The following CDCA2 variants were observed in gnomAD, a reference collection of about 807,000 sequenced individuals.
The protein encoded by CDCA2 is cell division cycle associated 2.
In CDCA2, 44 loss-of-function variants were observed where a neutral mutation model predicts 67.0. That is an observed-to-expected ratio of 0.66 (90% CI 0.52 to 0.84). The LOEUF (loss-of-function observed/expected upper bound fraction) is 0.84. CDCA2 is among the 40% of genes least tolerant of loss of function. The probability of loss-of-function intolerance (pLI) is 0.00; values close to 1 mark genes in which losing one functional copy is unlikely to be tolerated. For missense variants in CDCA2, 1,253 were observed against 1,203.2 expected (o/e 1.04, Z -0.61); for synonymous variants, 447 against 418.7 (o/e 1.07, Z -0.82).
At chr8:25,501,183 G>A (rs940025739) in intron 13 of CDCA2, among the ~76,000 whole-genome samples, 1 of 152,148 alleles carries the variant, frequency 6.6e-6, no homozygotes, top group Non-Finnish European at 1.5e-5. Context: ...AGAATTTCAT[G>A]TTAAATGTAC....
intron 3 of CDCA2, 152 bp downstream of exon 3, chr8:25,460,706 C>T (rs1046694064): frequency 2.7e-6 from 2 of 735,784 alleles, no homozygotes; most frequent in Non-Finnish European, 2.2e-6. Context: ...CTTCTTTGCA[C>T]ATGCACAGTT....
chr8:25,461,252 AG>A (rs1198068380), intron 3 of CDCA2, among the ~76,000 whole-genome samples: 8 of 134,022 alleles, frequency 6.0e-5, no homozygotes, highest in African/African-American at 2.3e-4. Flanking sequence ...GGGCAACAAG[AG>A]TGAAACTCTG....
chr8:25,479,130 A>G (rs1199522776), intron 7 of CDCA2, among the ~76,000 whole-genome samples: 1 of 152,120 alleles, frequency 6.6e-6, no homozygotes, highest in African/African-American at 2.4e-5. Flanking sequence ...GTGTATGTTT[A>G]GTCCGTGTGG....
At chr8:25,497,515 A>T (rs1013172520) in intron 13 of CDCA2, among the ~76,000 whole-genome samples, 3 of 143,568 alleles carry the variant, frequency 2.1e-5, no homozygotes, top group Admixed American at 2.1e-4. Flanking sequence ...ATAAAAAAAA[A>T]AAAAACTCAC....
chr8:25,467,698 A>G (rs1279691861), intron 5 of CDCA2, among the ~76,000 whole-genome samples: 6 of 152,166 alleles, frequency 3.9e-5, no homozygotes, highest in South Asian at 2.1e-4. Flanking sequence ...ATATGAATGT[A>G]TTATCTTTTC....
At chr8:25,503,053 A>C (rs758135602) in intron 13 of CDCA2, among the ~76,000 whole-genome samples, 1 of 152,206 alleles carries the variant, frequency 6.6e-6, no homozygotes, top group East Asian at 1.9e-4. Flanking sequence ...AGGCCAAGGC[A>C]GGAGGATCTC....
At chr8:25,490,177 T>C (rs775032178) in intron 13 of CDCA2, among the ~76,000 whole-genome samples, 11 of 152,128 alleles carry the variant, frequency 7.2e-5, no homozygotes, top group East Asian at 1.9e-4. Context: ...ATACAACTTA[T>C]TACATTAGAA....
chr8:25,482,847 G>A (rs1425577488), intron 8 of CDCA2, among the ~76,000 whole-genome samples: 2 of 152,186 alleles, frequency 1.3e-5, no homozygotes, highest in Non-Finnish European at 2.9e-5. Flanking sequence ...CAGCCTGGGT[G>A]ATAGAGCCAG....
intron 13 of CDCA2, among the ~76,000 whole-genome samples, chr8:25,495,085 T>A (rs1353600191): frequency 6.6e-6 from 1 of 152,122 alleles, no homozygotes; most frequent in Middle Eastern, 3.2e-3. Context: ...TACATTACCC[T>A]TTGTCTAAGA....
chr8:25,474,127 A>G (rs1803260324), intron 7 of CDCA2, among the ~76,000 whole-genome samples: 1 of 152,186 alleles, frequency 6.6e-6, no homozygotes, highest in African/African-American at 2.4e-5. Context: ...ACCATCCTTG[A>G]ATCCCAGGGA....
Position 25,507,794 on chromosome 8 carries a change from T to C in CDCA2, c.*56T>C. ...GGGAAAGTAACCATCTATGCTGAAA[T>C]GATCTGTCTAGTTCCCATTCTCTGT... On this transcript the variant is annotated 3_prime_UTR_variant, in exon 15 of 15. Coordinates refer to ENST00000330560, the MANE Select transcript of CDCA2 (RefSeq NM_152562.4). 6.5e-7 allele frequency: 1 copy of C among 1,538,678 alleles called. No individual in the cohort carries two copies. Among genetic ancestry groups the C allele is most frequent in the Admixed American group, 2.0e-5 (1 of 50,008 alleles).
At chr8:25,480,702 GGTT>G (rs1803535422) in intron 8 of CDCA2, among the ~76,000 whole-genome samples, 1 of 152,164 alleles carries the variant, frequency 6.6e-6, no homozygotes, top group South Asian at 2.1e-4. Context: ...TAGGCTTGTA[GGTT>G]GTTAAGTGAA....
At chr8:25,502,417 T>G (rs1804516001) in intron 13 of CDCA2, among the ~76,000 whole-genome samples, 2 of 152,064 alleles carry the variant, frequency 1.3e-5, no homozygotes, top group South Asian at 2.1e-4. Flanking sequence ...AATACCCCAT[T>G]CCGGATATTA....
chr8:25,489,153 C>G (rs142257067), intron 13 of CDCA2, among the ~76,000 whole-genome samples: 1 of 152,278 alleles, frequency 6.6e-6, no homozygotes, highest in African/African-American at 2.4e-5. Flanking sequence ...GATACCCTTA[C>G]AGTCCATGTG....
At chr8:25,463,133 C>T (rs1441251738) in intron 4 of CDCA2, among the ~76,000 whole-genome samples, 2 of 151,940 alleles carry the variant, frequency 1.3e-5, no homozygotes, top group Non-Finnish European at 2.9e-5. Flanking sequence ...CTGATTTTTT[C>T]ATGACTACTG....
At chr8:25,492,885 T>C (rs2135627) in intron 13 of CDCA2, among the ~76,000 whole-genome samples, 146,494 of 152,312 alleles carry the variant, frequency 0.96, 70,679 homozygotes, top group East Asian at 1. Flanking sequence ...GGTGTGCTGG[T>C]AAGAGTGCAG....
At position 25,468,395 on chromosome 8, in the gene CDCA2, T is replaced by A. The variant is rs533649016; in HGVS notation, c.717T>A (p.Thr239=). The A allele has an allele frequency of 6.2e-7, 1 of 1,611,572 alleles. No individual in the cohort carries two copies. The highest frequency in any genetic ancestry group is 2.2e-5 in the East Asian group (1 of 44,830). Residue 239 remains threonine (T), a synonymous_variant, in exon 6 of 15, where the codon ACT becomes ACA. Coordinates refer to ENST00000330560, the MANE Select transcript of CDCA2 (RefSeq NM_152562.4). ...CAGACAGAGCATGTGCAGTTGAAAC[T>A]TCTGTAGATCTTTCTGAGGTAATTC... ...IDTDRACAVE[T]SVDLSEISSK... is the part of the protein sequence containing the mutation.
At chr8:25,489,002 A>T (rs1803897419) in intron 13 of CDCA2, among the ~76,000 whole-genome samples, 1 of 152,040 alleles carries the variant, frequency 6.6e-6, no homozygotes. Context: ...GGGAATCCTG[A>T]TTTTTTTAGG....
At chr8:25,502,940 T>C (rs903163685) in intron 13 of CDCA2, among the ~76,000 whole-genome samples, 1 of 152,216 alleles carries the variant, frequency 6.6e-6, no homozygotes, top group African/African-American at 2.4e-5. Context: ...ATAAAAGTTA[T>C]CTATGCAATA....
Sources: gnomAD v4.1 joint callset for allele counts (sites outside exome capture counted in the v4.1 genomes callset) on GRCh38, gnomAD v4.1.1 for gene constraint, MANE v1.5 for transcripts, NCBI Gene and HGNC (gene_info 2026-07-23, HGNC 2026-07-21) for gene names.